Variants in SNX9 observed in about 807,000 individuals in gnomAD.
SNX9 encodes the protein sorting nexin 9.
A neutral mutation model predicts 89.4 loss-of-function variants in SNX9; 44 were observed. That is an observed-to-expected ratio of 0.49 (90% CI 0.39 to 0.63). SNX9 has a LOEUF of 0.63. Ranked by LOEUF, SNX9 falls within the 30% of genes least tolerant of loss-of-function variation. The pLI, the probability that SNX9 is intolerant of heterozygous loss-of-function variation, is 0.00. For missense variants in SNX9, 578 were observed against 736.1 expected, an observed-to-expected ratio of 0.79 and a Z score of 2.49; for synonymous variants, 236 against 247.8, an observed-to-expected ratio of 0.95 and a Z score of 0.45.
chr6:157,834,552 G>A (rs1433062320), intron 1 of SNX9, among the ~76,000 whole-genome samples: 6 of 151,128 alleles, frequency 4.0e-5, no homozygotes, highest in African/African-American at 7.3e-5. Flanking sequence ...TTGAGGTCTC[G>A]CCATGTTCCC....
chr6:157,839,632 C>T (rs1325804162), intron 1 of SNX9, among the ~76,000 whole-genome samples: 1 of 152,188 alleles, frequency 6.6e-6, no homozygotes, highest in Non-Finnish European at 1.5e-5. Flanking sequence ...ATTACATCCC[C>T]GTCCTGCTGG....
At chr6:157,847,062 A>C (rs1425391415) in intron 1 of SNX9, among the ~76,000 whole-genome samples, 1 of 152,186 alleles carries the variant, frequency 6.6e-6, no homozygotes, top group Admixed American at 6.5e-5. Flanking sequence ...ATTATTCTTA[A>C]TTATACTTTC....
Position 157,872,000 on chromosome 6 carries a change from C to T in SNX9, c.100-1102C>T, listed in dbSNP as rs1363535692. Among the ~76,000 whole-genome samples, 4 of 151,954 alleles carry T rather than the reference C, an allele frequency of 2.6e-5. No individual in the cohort carries two copies. In the East Asian group the frequency reaches 7.7e-4, roughly 29 times the overall value. On this transcript the variant is annotated intron_variant, in intron 2 of 17. Transcript: ENST00000392185. ...TCTTGGTAAAATAGCAACTTGTCCTCAAGTTGCTATTGTGGTCAGAAAGTG... is the reference window on the plus strand; with the variant it reads ...TCTTGGTAAAATAGCAACTTGTCCTTAAGTTGCTATTGTGGTCAGAAAGTG...
intron 1 of SNX9, among the ~76,000 whole-genome samples, chr6:157,865,448 G>A (rs553827337): frequency 6.8e-5 from 10 of 147,258 alleles, no homozygotes; most frequent in African/African-American, 2.4e-4. Flanking sequence ...TCTTCATGAC[G>A]CCCTGAGGGG....
At chr6:157,849,680 G>A (rs1781870013) in intron 1 of SNX9, among the ~76,000 whole-genome samples, 1 of 152,188 alleles carries the variant, frequency 6.6e-6, no homozygotes, top group Non-Finnish European at 1.5e-5. Context: ...GCCTTTCTTA[G>A]AGGTGGAAAG....
intron 4 of SNX9, among the ~76,000 whole-genome samples, chr6:157,893,638 G>A (rs1583221698): frequency 6.8e-6 from 1 of 148,044 alleles, no homozygotes; most frequent in East Asian, 2.0e-4. Context: ...GTGTGTATAA[G>A]ACTCAAATAA....
chr6:157,864,568 T>TTGG (rs1782213815), intron 1 of SNX9, among the ~76,000 whole-genome samples: 3 of 152,172 alleles, frequency 2.0e-5, no homozygotes, highest in African/African-American at 7.2e-5. Context: ...TTCAGCAGGA[T>TTGG]TCTTGAGGAC....
chr6:157,858,186 T>C (rs1455325846), intron 1 of SNX9, among the ~76,000 whole-genome samples: 1 of 152,152 alleles, frequency 6.6e-6, no homozygotes, highest in East Asian at 1.9e-4. Flanking sequence ...TCACATATGC[T>C]ATCGTTCTGT....
intron 1 of SNX9, among the ~76,000 whole-genome samples, chr6:157,859,975 G>A (rs926478529): frequency 6.6e-6 from 1 of 152,192 alleles, no homozygotes; most frequent in Non-Finnish European, 1.5e-5. Context: ...CCTGTCATGT[G>A]CAGTTTGTAA....
rs1177648226 is a variant in SNX9, at chr6:157,844,587, G to GTTTT, written c.12+21150_12+21153dup. On this transcript the variant is annotated intron_variant, in intron 1 of 17. Transcript: ENST00000392185. ...ATTTTTAATCTTGTGGCTAATCCTT[G>GTTTT]TTTTTTTTTTTTGTTTTTTTTTTTG... Among the ~76,000 whole-genome samples the GTTTT allele has an allele frequency of 2.5e-3, 325 of 130,250 alleles. 21 individuals carry two copies. The highest frequency in any genetic ancestry group is 9.0e-3 in the African/African-American group (297 of 32,872). The allele number at this position is 130,250 out of a possible 152,430, so 85.4% of individuals were successfully genotyped here.
chr6:157,873,875 G>A (rs1337015391), intron 3 of SNX9, among the ~76,000 whole-genome samples: 5 of 152,090 alleles, frequency 3.3e-5, no homozygotes, highest in African/African-American at 1.2e-4. Context: ...AGCAGCCTGG[G>A]CTGGTCCTGC....
At chr6:157,939,665 C>G (rs1028095016) in intron 16 of SNX9, among the ~76,000 whole-genome samples, 5 of 152,128 alleles carry the variant, frequency 3.3e-5, no homozygotes, top group African/African-American at 1.2e-4. Flanking sequence ...GGGAGGTGTC[C>G]AGAGCCAGGC....
Position 157,909,661 on chromosome 6 carries a change from A to G in SNX9, c.706-4A>G, listed in dbSNP as rs200426423. 71 of 1,611,682 alleles carry G rather than the reference A, an allele frequency of 4.4e-5. No homozygotes were observed. Among genetic ancestry groups the G allele is most frequent in the Middle Eastern group, 1.6e-4 (1 of 6,068 alleles). ...AATTACTTCTTTCTGGAACATTGGCATAGGTTGGAGATTATGGCCCAATGT... is the reference window on the plus strand; with the variant it reads ...AATTACTTCTTTCTGGAACATTGGCGTAGGTTGGAGATTATGGCCCAATGT... On this transcript the variant is annotated splice_region_variant and splice_polypyrimidine_tract_variant and intron_variant, in intron 7 of 17. Transcript: ENST00000392185.
intron 1 of SNX9, among the ~76,000 whole-genome samples, chr6:157,850,564 T>C (rs1047716251): frequency 6.6e-6 from 1 of 152,110 alleles, no homozygotes; most frequent in African/African-American, 2.4e-5. Flanking sequence ...TCGAGTTTGC[T>C]GGGGGAGTCT....
chr6:157,934,066 A>C (rs1160753047), intron 13 of SNX9: 1 of 152,122 alleles, frequency 6.6e-6, no homozygotes, highest in Non-Finnish European at 1.5e-5. Context: ...ACTTGCTCAG[A>C]TGTGTTGGCG....
chr6:157,833,849 C>T (rs1781520451), intron 1 of SNX9, among the ~76,000 whole-genome samples: 2 of 152,144 alleles, frequency 1.3e-5, no homozygotes, highest in Non-Finnish European at 2.9e-5. Flanking sequence ...ACCAGTATTG[C>T]CGAACTGAAC....
intron 4 of SNX9, among the ~76,000 whole-genome samples, chr6:157,893,838 C>T (rs1782914069): frequency 6.6e-6 from 1 of 151,998 alleles, no homozygotes; most frequent in Non-Finnish European, 1.5e-5. Context: ...TAAGCTGATG[C>T]TAAAGTTTAT....
intron 4 of SNX9, among the ~76,000 whole-genome samples, chr6:157,889,489 AG>A (rs945929147): frequency 6.6e-6 from 1 of 151,726 alleles, no homozygotes; most frequent in Non-Finnish European, 1.5e-5. Flanking sequence ...ATTGTAGTCT[AG>A]TTTGTTACAG....
intron 16 of SNX9, among the ~76,000 whole-genome samples, chr6:157,939,450 A>T (rs907775882): frequency 2.0e-5 from 3 of 152,176 alleles, no homozygotes; most frequent in African/African-American, 7.2e-5. Flanking sequence ...TCCTCAAGGG[A>T]GAAGGATTTG....
Sources: gnomAD v4.1 joint callset for allele counts (sites outside exome capture counted in the v4.1 genomes callset) on GRCh38, gnomAD v4.1.1 for gene constraint, MANE v1.5 for transcripts, NCBI Gene and HGNC (gene_info 2026-07-23, HGNC 2026-07-21) for gene names.